ETV1: variants seen among roughly 807,000 people sequenced by gnomAD.
The protein encoded by ETV1 is ETS translocation variant 1.
In ETV1, 27 loss-of-function variants were observed where a neutral mutation model predicts 62.3. That is an observed-to-expected ratio of 0.43 (90% CI 0.32 to 0.60). The LOEUF (loss-of-function observed/expected upper bound fraction) is 0.60. Among genes scored for constraint, ETV1 ranks in the 20% least tolerant of loss-of-function variants. The pLI is 0.06. For synonymous variants in ETV1, 222 were observed against 199.6 expected (o/e 1.11, Z -0.94); for missense variants, 605 against 605.8 (o/e 1.00, Z 0.01).
chr7:13,931,730 C>T lies in ETV1; in HGVS notation c.574G>A (p.Glu192Lys). 1 of 1,613,936 alleles carries T rather than the reference C, an allele frequency of 6.2e-7. No individual in the cohort carries two copies. Among genetic ancestry groups the T allele is most frequent in the Non-Finnish European group, 8.5e-7 (1 of 1,179,854 alleles). ...AAAGGAGGAAAGGAGTTACAGGGTT[C>T]AGAAAGCTGGCGGCGAAATCTAGGG... is the stretch of plus-strand genomic sequence containing the variant. ...MDHRFRRQLS[E>K]PCNSFPPLPT... Residue 192 changes from glutamate to lysine, a missense_variant, in exon 9 of 14, where the codon GAA (glutamate) becomes AAA (lysine). Glu to Lys is a moderately conservative substitution (Grantham distance 56). This residue lies in a region of ETV1 where 426 missense variants were observed against 377.8 expected (regional missense o/e 1.13). Transcript: ENST00000430479.
At position 13,895,893 on chromosome 7, in the gene ETV1, G is replaced by A; in HGVS notation, c.1407C>T (p.His469=). ...AATACACGTAGCCTTCGTTGTAGGG[G>A]TGGGGGTTGCAGCAGCCCCCTTCCG... ...YMPEGGCCNP[H]PYNEGYVY is the part of the protein sequence containing the mutation. Residue 469 remains histidine (H), a synonymous_variant, in exon 14 of 14, where the codon CAC becomes CAT. Transcript: ENST00000430479. 6.2e-7 allele frequency: 1 copy of A among 1,613,528 alleles called. No individual in the cohort carries two copies. The highest frequency in any genetic ancestry group is 8.5e-7 in the Non-Finnish European group (1 of 1,179,678).
intron 8 of ETV1, among the ~76,000 whole-genome samples, chr7:13,933,823 G>A (rs1045937092): frequency 2.0e-5 from 3 of 152,194 alleles, no homozygotes; most frequent in African/African-American, 7.2e-5. Context: ...GGAGTTCCGG[G>A]CCGGCTGTTC....
intron 6 of ETV1, among the ~76,000 whole-genome samples, chr7:13,965,795 T>C (rs1790714518): frequency 1.3e-5 from 2 of 152,120 alleles, no homozygotes; most frequent in African/African-American, 2.4e-5. Context: ...CAGCTTTCCA[T>C]TAGCCCTCAA....
chr7:13,952,211 C>G (rs985684079), intron 6 of ETV1, among the ~76,000 whole-genome samples: 12 of 152,134 alleles, frequency 7.9e-5, no homozygotes, highest in African/African-American at 2.9e-4. Context: ...CATGGACTAA[C>G]TGTGCAACCT....
At chr7:13,900,647 C>T in intron 13 of ETV1, 91 bp downstream of exon 13, 3 of 900,236 alleles carry the variant, frequency 3.3e-6, no homozygotes, top group Non-Finnish European at 5.0e-6. Flanking sequence ...AAACTCGCTT[C>T]AGCAATGCAA....
rs535092479 is a variant in ETV1 at position 13,988,164 on chromosome 7, C to T, written c.55G>A (p.Gly19Arg). 33 of 1,607,838 alleles carry T rather than the reference C, an allele frequency of 2.1e-5. No individual in the cohort carries two copies. The East Asian group carries it at 7.4e-4, about 36-fold the overall frequency. ...VPYMVTNSQR[G>R]RNCNEKPTNV... The stretch of plus-strand genomic sequence containing the variant: ...GTTGGTTTCTCGTTACAATTTCTCC[C>T]ACGCTGACTCTACAAAGGGAAAGAT... The change falls in exon 4 of 14, where the codon GGG becomes AGG. Residue 19 changes from glycine (G) to arginine (R), a missense_variant. Coordinates refer to ENST00000430479, the MANE Select transcript of ETV1 (RefSeq NM_004956.5).
At chr7:13,982,348 A>C (rs1782073754) in intron 5 of ETV1, among the ~76,000 whole-genome samples, 1 of 152,072 alleles carries the variant, frequency 6.6e-6, no homozygotes, top group African/African-American at 2.4e-5. Context: ...ATTTCCTATA[A>C]CTGAAATAGA....
Position 13,894,864 on chromosome 7 carries a change from C to A in ETV1, c.*1002G>T, listed in dbSNP as rs564683195. ...ACCATGTCTAAAAATTACTATAGTA[C>A]CTATTTAGTGTATTGGATATTTTTC... On this transcript the variant is annotated 3_prime_UTR_variant, in exon 14 of 14. Transcript: ENST00000430479. 3 of 232,574 alleles carry A rather than the reference C, an allele frequency of 1.3e-5. No homozygotes were observed. In the East Asian group the frequency reaches 1.8e-4, roughly 14 times the overall value. 14.4% of individuals were successfully genotyped at this position (232,574 alleles called of 1,614,324 possible). A position where few individuals can be genotyped will look rare whatever the true frequency, so the allele number is the denominator to read the frequency against.
chr7:13,942,225 G>A (rs1787634148), intron 6 of ETV1, among the ~76,000 whole-genome samples: 1 of 151,824 alleles, frequency 6.6e-6, no homozygotes, highest in South Asian at 2.1e-4. Context: ...GGGTTTCATC[G>A]TGTTAGCCAG....
intron 4 of ETV1, chr7:13,987,081 A>G (rs1782614906): frequency 5.6e-6 from 1 of 178,752 alleles, no homozygotes; most frequent in African/African-American, 2.4e-5. Flanking sequence ...AAAGACTGAA[A>G]AGCATTTTAT....
At chr7:13,959,882 CAAAAAAAAAAAAAAA>C (rs35605197) in intron 6 of ETV1, among the ~76,000 whole-genome samples, 3 of 56,706 alleles carry the variant, frequency 5.3e-5, no homozygotes, top group Admixed American at 2.7e-4. Flanking sequence ...GATTCTGTCT[CAAAAAAAAAAAAAAA>C]AAAAAAAAAA....
At chr7:13,941,412 T>C (rs2128461814) in intron 6 of ETV1, among the ~76,000 whole-genome samples, 1 of 152,246 alleles carries the variant, frequency 6.6e-6, no homozygotes, top group South Asian at 2.1e-4. Flanking sequence ...AATAATTGTG[T>C]ATGAGGAAAG....
intron 9 of ETV1, among the ~76,000 whole-genome samples, chr7:13,924,783 C>T (rs1785220304): frequency 6.6e-6 from 1 of 152,126 alleles, no homozygotes; most frequent in South Asian, 2.1e-4. Context: ...TTGGATGAAC[C>T]TCAGATATTT....
intron 5 of ETV1, among the ~76,000 whole-genome samples, chr7:13,980,180 A>G (rs1781843901): frequency 6.6e-6 from 1 of 152,196 alleles, no homozygotes; most frequent in Non-Finnish European, 1.5e-5. Flanking sequence ...AAGAAACTGA[A>G]TAGACCAAAC....
At chr7:13,898,319 G>A (rs1782051797) in intron 13 of ETV1, among the ~76,000 whole-genome samples, 1 of 152,148 alleles carries the variant, frequency 6.6e-6, no homozygotes, top group South Asian at 2.1e-4. Flanking sequence ...TTCAATGGCT[G>A]GATATTCAAA....
intron 12 of ETV1, among the ~76,000 whole-genome samples, chr7:13,904,985 C>T (rs1224768541): frequency 6.7e-6 from 1 of 148,906 alleles, no homozygotes; most frequent in Non-Finnish European, 1.5e-5. Flanking sequence ...CAAATACTGA[C>T]ATTGAGTCTT....
Position 13,900,814 on chromosome 7 carries a change from T to C in ETV1, c.1136A>G (p.Lys379Arg). ...ATCATAGTTCATAGCTGGCCTGTTTTTCTGAATGCCCCAACGTCGGGCCAC... is the reference window on the plus strand; with the variant it reads ...ATCATAGTTCATAGCTGGCCTGTTTCTCTGAATGCCCCAACGTCGGGCCAC... ...EEVARRWGIQ[K>R]NRPAMNYDKL... The change falls in exon 13 of 14, where the codon AAA (lysine) becomes AGA (arginine). Residue 379 changes from lysine to arginine, a missense_variant. This residue lies in a region of ETV1 where 100 missense variants were observed against 156.4 expected (regional missense o/e 0.64). Transcript: ENST00000430479. The C allele has an allele frequency of 1.2e-6, 2 of 1,610,442 alleles. No individual in the cohort carries two copies. The highest frequency in any genetic ancestry group is 1.7e-6 in the Non-Finnish European group (2 of 1,178,332).
chr7:13,928,380 G>T (rs1208576079), intron 9 of ETV1, among the ~76,000 whole-genome samples: 1 of 152,252 alleles, frequency 6.6e-6, no homozygotes, highest in East Asian at 1.9e-4. Context: ...ACTTTGGCAG[G>T]CCGAGGCAGG....
chr7:13,943,422 T>A (rs1583731828), intron 6 of ETV1, among the ~76,000 whole-genome samples: 1 of 152,226 alleles, frequency 6.6e-6, no homozygotes, highest in Admixed American at 6.5e-5. Flanking sequence ...CTGCTGAGGG[T>A]ATGGATTAGT....
Sources: gnomAD v4.1 joint callset for allele counts (sites outside exome capture counted in the v4.1 genomes callset) on GRCh38, gnomAD v4.1.1 for gene constraint, gnomAD v4.1.1 regional missense constraint, MANE v1.5 for transcripts, NCBI Gene and HGNC (gene_info 2026-07-23, HGNC 2026-07-21) for gene names.